Variants in TRIM68 observed in about 807,000 individuals in gnomAD.
TRIM68 encodes tripartite motif containing 68, also known as E3 ubiquitin-protein ligase TRIM68.
Under a neutral mutation model 41.9 loss-of-function variants are expected in TRIM68, and 36 were observed. That is an observed-to-expected ratio of 0.86 (90% CI 0.66 to 1.14). The LOEUF (loss-of-function observed/expected upper bound fraction) is 1.14. Ranked by LOEUF, TRIM68 falls within the 50% of genes most tolerant of loss-of-function variation. TRIM68 has a pLI of 0.00. For synonymous variants in TRIM68, 225 were observed against 224.6 expected (o/e 1.00, Z -0.02); for missense variants, 632 against 605.1 (o/e 1.04, Z -0.47).
At chr11:4,607,327 T>C (rs1215577840) in intron 1 of TRIM68, among the ~76,000 whole-genome samples, 1 of 152,250 alleles carries the variant, frequency 6.6e-6, no homozygotes, top group Admixed American at 6.5e-5. Context: ...CAAATACTTG[T>C]TGAATACGTG....
chr11:4,606,910 A>G (rs1164221898), intron 1 of TRIM68, among the ~76,000 whole-genome samples: 1 of 152,216 alleles, frequency 6.6e-6, no homozygotes, highest in Non-Finnish European at 1.5e-5. Context: ...TTGGCAGGGC[A>G]TGCCTTCTCA....
rs938337350 is a variant in TRIM68, at chr11:4,600,722, G to A, written c.1012C>T (p.Pro338Ser). ...ATATTATAGCGGTAAAATCTCTCAG[G>A]ATTGTCTGGCAGTTTCTGGTTGGTG... ...GDTNQKLPDN[P>S]ERFYRYNIVL... The change falls in exon 7 of 7, where the codon CCT (proline) becomes TCT (serine). Residue 338 changes from proline to serine, a missense_variant. Coordinates refer to ENST00000300747, the MANE Select transcript of TRIM68 (RefSeq NM_018073.8). 1 of 1,614,052 alleles carries A rather than the reference G, an allele frequency of 6.2e-7. No homozygotes were observed. Among genetic ancestry groups the A allele is most frequent in the African/African-American group, 1.3e-5 (1 of 74,914 alleles).
chr11:4,605,539 A>C lies in TRIM68; in HGVS notation c.-35T>G. ...TCACACCCTCCTCAGAACATGAATGAAACCAGGGAGAAGTAGTAAAGGCTG... is the reference window on the plus strand; with the variant it reads ...TCACACCCTCCTCAGAACATGAATGCAACCAGGGAGAAGTAGTAAAGGCTG... On this transcript the variant is annotated 5_prime_UTR_variant, in exon 2 of 7. Coordinates refer to ENST00000300747, the MANE Select transcript of TRIM68 (RefSeq NM_018073.8). 6.4e-7 allele frequency: 1 copy of C among 1,553,132 alleles called. No individual in the cohort carries two copies. Among genetic ancestry groups the C allele is most frequent in the South Asian group, 1.2e-5 (1 of 82,604 alleles).
chr11:4,602,079 C>T (rs755905065), intron 4 of TRIM68, 73 bp downstream of exon 4: 8 of 1,598,354 alleles, frequency 5.0e-6, no homozygotes, highest in Non-Finnish European at 6.8e-6. Context: ...TGAAGGGTAA[C>T]TGATGCTCTC....
Position 4,602,411 on chromosome 11 carries a change from A to G in TRIM68, c.524T>C (p.Ile175Thr). 6.2e-7 allele frequency: 1 copy of G among 1,612,764 alleles called. No individual in the cohort carries two copies. Among genetic ancestry groups the G allele is most frequent in the Non-Finnish European group, 8.5e-7 (1 of 1,179,468 alleles). ...ACTCTGTTTTCGGGTTTCCACCTGT[A>G]TCTGTGGAGCCAAGATGGAAATCAG... ...GERKRTATWK[I>T]QVETRKQSIV... Residue 175 changes from isoleucine (I) to threonine (T), a missense_variant and splice_region_variant, in exon 4 of 7, where the codon ATA becomes ACA. Ile to Thr is a moderately conservative substitution (Grantham distance 89). Transcript: ENST00000300747.
At position 4,605,513 on chromosome 11, in the gene TRIM68, C is replaced by A. The variant is rs373092095; in HGVS notation, c.-9G>T. On this transcript the variant is annotated 5_prime_UTR_variant, in exon 2 of 7. Coordinates refer to ENST00000300747, the MANE Select transcript of TRIM68 (RefSeq NM_018073.8). ...AAGGCTGTGGGATCCATGGTTCCTT[C>A]TCACACCCTCCTCAGAACATGAATG... 70 of 1,596,796 alleles carry A rather than the reference C, an allele frequency of 4.4e-5. No individual in the cohort carries two copies. In the African/African-American group the frequency reaches 9.1e-4, roughly 21 times the overall value.
rs1197125444 is a variant in TRIM68, at chr11:4,602,139, AC to A, written c.783+12del. The A allele has an allele frequency of 6.2e-7, 1 of 1,613,930 alleles. No individual in the cohort carries two copies. The highest frequency in any genetic ancestry group is 8.5e-7 in the Non-Finnish European group (1 of 1,179,958). On this transcript the variant is annotated intron_variant, in intron 4 of 6. Transcript: ENST00000300747. ...GCTGTCACTCAGGGTTACCAGGAAA[AC>A]CTACTACTCACCTGCAACATCCAGC...
At chr11:4,601,937 G>C in intron 4 of TRIM68, 6 of 786,722 alleles carry the variant, frequency 7.6e-6, no homozygotes, top group Non-Finnish European at 1.2e-5. Context: ...CGCCAGAGCT[G>C]CCTGAGCACT....
At chr11:4,606,425 T>C (rs1333288125) in intron 1 of TRIM68, among the ~76,000 whole-genome samples, 13 of 152,374 alleles carry the variant, frequency 8.5e-5, no homozygotes, top group Admixed American at 5.2e-4. Flanking sequence ...CTAGAATCTA[T>C]ACAAGGAAGG....
Position 4,601,069 on chromosome 11 carries a change from A to C in TRIM68, c.865T>G (p.Cys289Gly), listed in dbSNP as rs1846481980. Residue 289 changes from cysteine to glycine, a missense_variant, in exon 6 of 7, where the codon TGC (cysteine) becomes GGC (glycine). Coordinates refer to ENST00000300747, the MANE Select transcript of TRIM68 (RefSeq NM_018073.8). ...EPISLELKTD[C>G]RVLGLREILK... ...ATCTCTCTTAGCCCCAGCACACGGC[A>C]ATCTGTCTTCAACTCCAGGGAGATT... 3.1e-6 allele frequency: 5 copies of C among 1,614,172 alleles called. No individual in the cohort carries two copies. The South Asian group carries it at 5.5e-5, about 18-fold the overall frequency.
At chr11:4,605,033 A>C in intron 2 of TRIM68, 46 bp downstream of exon 2, 1 of 1,590,594 alleles carries the variant, frequency 6.3e-7, no homozygotes, top group Non-Finnish European at 8.6e-7. Flanking sequence ...GAAACAGCCA[A>C]CTTGGGGCCG....
At chr11:4,601,340 A>G in intron 5 of TRIM68, 1 of 599,140 alleles carries the variant, frequency 1.7e-6, no homozygotes. Flanking sequence ...TTGGATGTAT[A>G]TTTGATTCTG....
chr11:4,599,872 G>C lies in TRIM68; in HGVS notation c.*404C>G, dbSNP rs1846453026. The C allele has an allele frequency of 6.2e-6, 1 of 162,462 alleles. No homozygotes were observed. Among genetic ancestry groups the C allele is most frequent in the Non-Finnish European group, 1.3e-5 (1 of 75,146 alleles). The allele number at this position is 162,462 out of a possible 1,614,324, so 10.1% of individuals were successfully genotyped here. A position where few individuals can be genotyped will look rare whatever the true frequency, so the allele number is the denominator to read the frequency against. On this transcript the variant is annotated 3_prime_UTR_variant, in exon 7 of 7. Transcript: ENST00000300747. ...AGCATTTTTTTGGCCTATTGGGAAA[G>C]CCCATCTAATGGTGTCCTGAAGACT... is the stretch of plus-strand genomic sequence containing the variant.
rs144009048 is a variant in TRIM68 at position 4,600,381 on chromosome 11, G to A, written c.1353C>T (p.Arg451=). 6.2e-7 allele frequency: 1 copy of A among 1,614,126 alleles called. No individual in the cohort carries two copies. The highest frequency in any genetic ancestry group is 2.2e-5 in the East Asian group (1 of 44,872). Reference sequence around the variant, plus strand: ...GCAGGAGGCGCCCAGGGAAGGGATAGCGGGGGAAAGTGAAGATGTGGGAGC... The same window carrying A: ...GCAGGAGGCGCCCAGGGAAGGGATAACGGGGGAAAGTGAAGATGTGGGAGC... ...DCGSHIFTFP[R]YPFPGRLLPY... Residue 451 remains arginine, a synonymous_variant, in exon 7 of 7, where the codon CGC becomes CGT. Coordinates refer to ENST00000300747, the MANE Select transcript of TRIM68 (RefSeq NM_018073.8).
In TRIM68 at chr11:4,600,403, G is replaced by A. The variant is rs1223373788; in HGVS notation, c.1331C>T (p.Ser444Phe). 1 of 1,614,120 alleles carries A rather than the reference G, an allele frequency of 6.2e-7. No individual in the cohort carries two copies. The highest frequency in any genetic ancestry group is 2.2e-5 in the East Asian group (1 of 44,864). Residue 444 changes from serine to phenylalanine, a missense_variant, in exon 7 of 7, where the codon TCC (serine) becomes TTC (phenylalanine). Coordinates refer to ENST00000300747, the MANE Select transcript of TRIM68 (RefSeq NM_018073.8). ...ISFYNVTDCGSHIFTFPRYPF... is the reference protein window; with the variant it reads ...ISFYNVTDCGFHIFTFPRYPF... ...ATAGCGGGGGAAAGTGAAGATGTGGGAGCCACAGTCAGTCACATTGTAGAA... is the reference window on the plus strand; with the variant it reads ...ATAGCGGGGGAAAGTGAAGATGTGGAAGCCACAGTCAGTCACATTGTAGAA...
intron 2 of TRIM68, among the ~76,000 whole-genome samples, chr11:4,603,916 C>A (rs1283137617): frequency 1.3e-5 from 2 of 152,268 alleles, no homozygotes; most frequent in South Asian, 2.1e-4. Flanking sequence ...GCTATTTTAA[C>A]AAAATAGCAA....
Position 4,600,207 on chromosome 11 carries a change from G to GAT in TRIM68, c.*68_*69insAT. 1 of 1,452,164 alleles carries GAT rather than the reference G, an allele frequency of 6.9e-7. No individual in the cohort carries two copies. Among genetic ancestry groups the GAT allele is most frequent in the Non-Finnish European group, 9.2e-7 (1 of 1,081,698 alleles). 90.0% of individuals were successfully genotyped at this position (1,452,164 alleles called of 1,614,324 possible). ...CAGTTTCAGGGGATACCTGTCAGTG[G>GAT]CTCGGTCCTCCAAGCCCCATGGGGG... On this transcript the variant is annotated 3_prime_UTR_variant, in exon 7 of 7. Coordinates refer to ENST00000300747, the MANE Select transcript of TRIM68 (RefSeq NM_018073.8).
chr11:4,604,941 C>T (rs1349169277), intron 2 of TRIM68, 138 bp downstream of exon 2: 6 of 884,704 alleles, frequency 6.8e-6, no homozygotes, highest in Non-Finnish European at 1.0e-5. Flanking sequence ...CTCTCTGTAT[C>T]AGATTCCAGG....
intron 1 of TRIM68, among the ~76,000 whole-genome samples, 168 bp from the exon 2 acceptor site, chr11:4,605,729 C>T (rs543200060): frequency 3.3e-5 from 5 of 152,238 alleles, no homozygotes; most frequent in South Asian, 2.1e-4. Flanking sequence ...ATGGTCTGAA[C>T]GGGCCACATT....
Sources: allele counts gnomAD v4.1 joint callset (sites outside exome capture counted in the v4.1 genomes callset), GRCh38; gene constraint gnomAD v4.1.1; transcripts MANE v1.5; gene names NCBI Gene and HGNC (gene_info 2026-07-23, HGNC 2026-07-21).